DOCK3: variants seen among roughly 807,000 people sequenced by gnomAD.
DOCK3 encodes dedicator of cytokinesis 3, also known as dedicator of cytokinesis protein 3.
Under a neutral mutation model 265.6 loss-of-function variants are expected in DOCK3, and 60 were observed. That is an observed-to-expected ratio of 0.23 (90% CI 0.18 to 0.28). The LOEUF is 0.28. Among genes scored for constraint, DOCK3 ranks in the 10% least tolerant of loss-of-function variants. The pLI is 1.00. For missense variants in DOCK3, 1,981 were observed against 2,594.3 expected (o/e 0.76, Z 5.14); for synonymous variants, 881 against 938.0 (o/e 0.94, Z 1.11).
chr3:51,321,039 C>T (rs1390654554), intron 32 of DOCK3, among the ~76,000 whole-genome samples: 1 of 152,220 alleles, frequency 6.6e-6, no homozygotes, highest in Admixed American at 6.5e-5. Context: ...TGGGAGACAT[C>T]TCTCAGTAGG....
At chr3:51,352,472 C>T (rs80107444) in intron 40 of DOCK3, among the ~76,000 whole-genome samples, 2 of 152,262 alleles carry the variant, frequency 1.3e-5, no homozygotes, top group South Asian at 2.1e-4. Flanking sequence ...GGCATAAAAC[C>T]TGCATCTAAG....
At chr3:51,356,821 G>A in intron 43 of DOCK3, 141 bp from the exon 44 acceptor site, 1 of 989,422 alleles carries the variant, frequency 1.0e-6, no homozygotes, top group Non-Finnish European at 1.5e-6. Flanking sequence ...GACAACAGAA[G>A]TGGAAAGGGT....
At chr3:51,162,954 G>C (rs1245946332) in intron 12 of DOCK3, among the ~76,000 whole-genome samples, 1 of 152,122 alleles carries the variant, frequency 6.6e-6, no homozygotes, top group Admixed American at 6.5e-5. Flanking sequence ...AATGTTAACA[G>C]ACTTTCAAGC....
intron 10 of DOCK3, among the ~76,000 whole-genome samples, chr3:51,154,368 A>G (rs1205512320): frequency 6.6e-6 from 1 of 152,224 alleles, no homozygotes; most frequent in Non-Finnish European, 1.5e-5. Flanking sequence ...ATGGCGGTTA[A>G]GGGAGTTAAG....
intron 5 of DOCK3, among the ~76,000 whole-genome samples, chr3:51,048,511 G>GT (rs1171115983): frequency 6.6e-6 from 1 of 152,128 alleles, no homozygotes; most frequent in Admixed American, 6.5e-5. Context: ...ATTCACTGAT[G>GT]TTTAGTATAC....
At chr3:50,977,278 G>T (rs926011653) in intron 5 of DOCK3, among the ~76,000 whole-genome samples, 63 of 152,108 alleles carry the variant, frequency 4.1e-4, no homozygotes, top group South Asian at 1.5e-3. Context: ...GCAGCGGCTG[G>T]TACCGGTTGT....
At chr3:51,100,876 C>G (rs919115228) in intron 9 of DOCK3, among the ~76,000 whole-genome samples, 10 of 151,552 alleles carry the variant, frequency 6.6e-5, no homozygotes, top group Non-Finnish European at 1.2e-4. Context: ...CTCACTGCAG[C>G]CTCAGTTTCC....
chr3:51,354,781 T>C (rs1202355676), intron 40 of DOCK3, 101 bp from the exon 41 acceptor site: 12 of 1,515,258 alleles, frequency 7.9e-6, no homozygotes, highest in African/African-American at 1.4e-5. Context: ...CAGAGAAGGC[T>C]CCTAAGATAT....
intron 3 of DOCK3, chr3:50,877,410 T>A (rs2047759174): frequency 1.9e-6 from 1 of 519,682 alleles, no homozygotes; most frequent in African/African-American, 1.9e-5. Flanking sequence ...AGCTGCTTCT[T>A]TCCAATGGCC....
intron 4 of DOCK3, among the ~76,000 whole-genome samples, chr3:50,928,493 G>T (rs940413586): frequency 6.6e-6 from 1 of 152,066 alleles, no homozygotes; most frequent in Non-Finnish European, 1.5e-5. Context: ...CCTTTTTAAG[G>T]TTGAATAATA....
chr3:51,249,096 G>A (rs1326778274), intron 22 of DOCK3, among the ~76,000 whole-genome samples: 2 of 151,492 alleles, frequency 1.3e-5, no homozygotes, highest in African/African-American at 2.4e-5. Flanking sequence ...GTCCGGGAGG[G>A]AGGTGGGGGG....
intron 27 of DOCK3, among the ~76,000 whole-genome samples, chr3:51,290,989 A>AT (rs1393043438): frequency 1.3e-5 from 2 of 152,208 alleles, no homozygotes; most frequent in Non-Finnish European, 2.9e-5. Flanking sequence ...GAGGCAGAGA[A>AT]TTGTTTGAAC....
rs558470067 is a variant in DOCK3, at chr3:50,824,425, G to A, written c.122-17250G>A. On this transcript the variant is annotated intron_variant, in intron 2 of 52. Transcript: ENST00000266037. ...GGGTCTTGAAGATAGCCTGTGGTAGGCAAAGGAGGGTTGTAATTTGTTTTG... is the reference window on the plus strand; with the variant it reads ...GGGTCTTGAAGATAGCCTGTGGTAGACAAAGGAGGGTTGTAATTTGTTTTG... Among the ~76,000 whole-genome samples, 8 of 152,300 alleles carry A rather than the reference G, an allele frequency of 5.3e-5. 1 individual carries two copies. The highest frequency in any genetic ancestry group is 5.2e-4 in the Admixed American group (8 of 15,306).
At chr3:51,296,513 G>A (rs956027794) in intron 27 of DOCK3, among the ~76,000 whole-genome samples, 1 of 144,288 alleles carries the variant, frequency 6.9e-6, no homozygotes, top group African/African-American at 2.6e-5. Flanking sequence ...GTCTTGCTCT[G>A]TTGCCTGGGC....
chr3:51,029,493 A>G (rs567761259), intron 5 of DOCK3, among the ~76,000 whole-genome samples: 1 of 152,326 alleles, frequency 6.6e-6, no homozygotes, highest in South Asian at 2.1e-4. Context: ...GGCATCTGCC[A>G]TGTCTGCAAC....
intron 5 of DOCK3, among the ~76,000 whole-genome samples, chr3:51,006,264 T>TTC (rs397717743): frequency 2.0e-5 from 3 of 150,658 alleles, no homozygotes; most frequent in African/African-American, 7.3e-5. Context: ...TTTTTTTTTT[T>TTC]CTGTAGCACT....
chr3:50,680,217 T>C (rs975795887), intron 1 of DOCK3, among the ~76,000 whole-genome samples: 1 of 146,442 alleles, frequency 6.8e-6, no homozygotes, highest in East Asian at 2.0e-4. Flanking sequence ...TTTTCTTTCT[T>C]TTTTTTTTTT....
At chr3:50,978,428 T>TG (rs1027495570) in intron 5 of DOCK3, among the ~76,000 whole-genome samples, 45 of 152,146 alleles carry the variant, frequency 3.0e-4, no homozygotes, top group African/African-American at 9.2e-4. Context: ...GTGCCCCTGC[T>TG]GGGGGGGTGC....
intron 1 of DOCK3, among the ~76,000 whole-genome samples, chr3:50,754,607 T>C (rs1327582736): frequency 6.6e-6 from 1 of 150,922 alleles, no homozygotes; most frequent in Non-Finnish European, 1.5e-5. Context: ...TCGCCCAGAC[T>C]GGGGTGCAAT....
Sources: allele counts gnomAD v4.1 joint callset (sites outside exome capture counted in the v4.1 genomes callset), GRCh38; gene constraint gnomAD v4.1.1; transcripts MANE v1.5; gene names NCBI Gene and HGNC (gene_info 2026-07-23, HGNC 2026-07-21).